Variants in ZNF423 observed in about 807,000 individuals in gnomAD.
The protein encoded by ZNF423 is zinc finger protein 423, also known as Ebf-associated zinc finger protein.
ZNF423 carries 12 observed loss-of-function variants against 95.8 expected under a neutral mutation model. That is an observed-to-expected ratio of 0.13 (90% CI 0.08 to 0.20). The LOEUF (loss-of-function observed/expected upper bound fraction) is 0.20, where lower values mean the gene tolerates loss of function less well. Among genes scored for constraint, ZNF423 ranks in the 10% least tolerant of loss-of-function variants. The pLI, the probability that ZNF423 is intolerant of heterozygous loss-of-function variation, is 1.00. For synonymous variants in ZNF423, 749 were observed against 711.9 expected, an observed-to-expected ratio of 1.05 and a Z score of -0.83; for missense variants, 1,316 against 1,737.1, an observed-to-expected ratio of 0.76 and a Z score of 4.31.
At chr16:49,808,005 A>T (rs2034692272) in intron 1 of ZNF423, among the ~76,000 whole-genome samples, 1 of 151,816 alleles carries the variant, frequency 6.6e-6, no homozygotes, top group African/African-American at 2.4e-5. Flanking sequence ...GCTTCTCCCT[A>T]AGCAGCGTTA....
At chr16:49,491,340 G>T (rs948904725) in intron 7 of ZNF423, 36 bp from the exon 8 acceptor site, 1 of 1,613,312 alleles carries the variant, frequency 6.2e-7, no homozygotes, top group Non-Finnish European at 8.5e-7. Flanking sequence ...ACATGAAGGA[G>T]AAGAATGGAG....
chr16:49,625,194 T>C (rs958339970), intron 5 of ZNF423, among the ~76,000 whole-genome samples: 1 of 151,962 alleles, frequency 6.6e-6, no homozygotes. Flanking sequence ...CTGACCAAGA[T>C]GGTGAAAAAT....
chr16:49,752,147 C>A (rs559350132), intron 2 of ZNF423, among the ~76,000 whole-genome samples: 1 of 152,364 alleles, frequency 6.6e-6, no homozygotes, highest in African/African-American at 2.4e-5. Flanking sequence ...TATTCACTAC[C>A]TCAGGAATCA....
chr16:49,650,554 C>T (rs562155597), intron 3 of ZNF423, among the ~76,000 whole-genome samples: 2 of 152,334 alleles, frequency 1.3e-5, no homozygotes, highest in East Asian at 1.9e-4. Context: ...TCTGGAGCAA[C>T]TCTGTGCAGT....
rs569080059 is a variant in ZNF423 at position 49,599,974 on chromosome 16, C to T, written c.3601+26196G>A. Among the ~76,000 whole-genome samples, 5 of 152,288 alleles carry T rather than the reference C, an allele frequency of 3.3e-5. No homozygotes were observed. In the East Asian group the frequency reaches 7.7e-4, roughly 23 times the overall value. On this transcript the variant is annotated intron_variant, in intron 5 of 7. Coordinates refer to ENST00000563137, the MANE Select transcript of ZNF423 (RefSeq NM_001379286.1). Reference sequence around the variant, plus strand: ...TGTACACACTTGTAAAACTGTATCACGCAATACCATAAGATCTGAGCCCTT... The same window carrying T: ...TGTACACACTTGTAAAACTGTATCATGCAATACCATAAGATCTGAGCCCTT...
Position 49,523,444 on chromosome 16 carries a change from C to T in ZNF423, c.3849+180G>A, listed in dbSNP as rs76075570. 9.3e-3 allele frequency among the ~76,000 whole-genome samples: 1,419 copies of T among 152,340 alleles called. 27 individuals carry two copies. Among genetic ancestry groups the T allele is most frequent in the African/African-American group, 0.032 (1,320 of 41,578 alleles). Reference sequence around the variant, plus strand: ...CAGTGGCAGTTGGTTCTTTTGAGAACGCTGGGCTGGCAGAGGCCAGGGGGC... The same window carrying T: ...CAGTGGCAGTTGGTTCTTTTGAGAATGCTGGGCTGGCAGAGGCCAGGGGGC... On this transcript the variant is annotated intron_variant, in intron 7 of 7. Transcript: ENST00000563137.
chr16:49,761,391 A>G (rs1791986925), intron 2 of ZNF423, among the ~76,000 whole-genome samples: 2 of 152,168 alleles, frequency 1.3e-5, no homozygotes, highest in Non-Finnish European at 2.9e-5. Flanking sequence ...CACCCTACAC[A>G]CAGATCCCCA....
intron 7 of ZNF423, among the ~76,000 whole-genome samples, chr16:49,521,861 CG>C (rs1272958435): frequency 1.3e-5 from 2 of 152,210 alleles, no homozygotes; most frequent in Non-Finnish European, 2.9e-5. Context: ...TGAATCCCCC[CG>C]GTCCCCACAC....
At chr16:49,759,243 C>G (rs1431090450) in intron 2 of ZNF423, among the ~76,000 whole-genome samples, 2 of 151,956 alleles carry the variant, frequency 1.3e-5, no homozygotes, top group Non-Finnish European at 2.9e-5. Context: ...ACTAAAAATA[C>G]AAAAAATCAG....
chr16:49,690,932 G>A (rs1022606110), intron 3 of ZNF423, among the ~76,000 whole-genome samples: 1 of 152,192 alleles, frequency 6.6e-6, no homozygotes, highest in Non-Finnish European at 1.5e-5. Flanking sequence ...AAAGCAACCT[G>A]TTTCACCAGC....
At chr16:49,689,259 T>C (rs1010073891) in intron 3 of ZNF423, among the ~76,000 whole-genome samples, 2 of 134,940 alleles carry the variant, frequency 1.5e-5, no homozygotes, top group African/African-American at 5.7e-5. Flanking sequence ...CTGGGCAACA[T>C]GGCAAGACCC....
chr16:49,637,989 A>G lies in ZNF423; in HGVS notation c.1187T>C (p.Leu396Ser), dbSNP rs762794475. Residue 396 changes from leucine to serine, a missense_variant, in exon 4 of 8, where the codon TTG (leucine) becomes TCG (serine). By Grantham distance (145) the Leu-to-Ser change is moderately radical (BLOSUM62 -2). Transcript: ENST00000563137. This position sits in a 1 kb window ranked among gnomAD's most constrained non-coding sequence, Gnocchi z 5.6. ...CTTCTTCTGCCCCCGCAGCGGCTTC[A>G]AGGTGGAGTCCGGGGTGGAGCCACG... ...VERGSTPDST[L>S]KPLRGQKKMR... The G allele has an allele frequency of 1.2e-6, 2 of 1,614,096 alleles. No homozygotes were observed. Among genetic ancestry groups the G allele is most frequent in the South Asian group, 1.1e-5 (1 of 91,080 alleles).
At chr16:49,815,199 C>G (rs1308264147) in intron 1 of ZNF423, among the ~76,000 whole-genome samples, 1 of 152,120 alleles carries the variant, frequency 6.6e-6, no homozygotes, top group Non-Finnish European at 1.5e-5. Flanking sequence ...ATAGGCTGCT[C>G]AGTAAATTTG....
intron 2 of ZNF423, among the ~76,000 whole-genome samples, chr16:49,742,142 G>A (rs1298461210): frequency 6.6e-6 from 1 of 152,198 alleles, no homozygotes; most frequent in African/African-American, 2.4e-5. Flanking sequence ...TTGGTCACAA[G>A]GACCTTGTTT....
chr16:49,620,175 A>C (rs1172280395), intron 5 of ZNF423, among the ~76,000 whole-genome samples: 6 of 149,404 alleles, frequency 4.0e-5, no homozygotes, highest in East Asian at 3.9e-4. Flanking sequence ...CACACACACA[A>C]CACACACATA....
At chr16:49,677,333 G>A (rs1209711790) in intron 3 of ZNF423, among the ~76,000 whole-genome samples, 2 of 52,026 alleles carry the variant, frequency 3.8e-5, no homozygotes, top group Non-Finnish European at 3.9e-5. Flanking sequence ...GAGGGGAGGG[G>A]AGGGGAGGGG....
intron 5 of ZNF423, among the ~76,000 whole-genome samples, chr16:49,602,107 G>C (rs1414411769): frequency 6.6e-6 from 1 of 152,230 alleles, no homozygotes; most frequent in Non-Finnish European, 1.5e-5. Flanking sequence ...AGGCTCCCCG[G>C]CTTCCTGTCC....
intron 4 of ZNF423, among the ~76,000 whole-genome samples, chr16:49,633,967 T>C (rs1972592315): frequency 6.6e-6 from 1 of 151,980 alleles, no homozygotes; most frequent in African/African-American, 2.4e-5. Flanking sequence ...AATGCAGTGG[T>C]GTGATCTTGG....
rs147379553 is a variant in ZNF423 at position 49,730,926 on chromosome 16, G to A, written c.146C>T (p.Ala49Val). The A allele has an allele frequency of 4.8e-5, 78 of 1,614,002 alleles. No homozygotes were observed. The highest frequency in any genetic ancestry group is 2.7e-4 in the African/African-American group (20 of 74,900). Residue 49 changes from alanine to valine, a missense_variant, in exon 3 of 8, where the codon GCG becomes GTG. Coordinates refer to ENST00000563137, the MANE Select transcript of ZNF423 (RefSeq NM_001379286.1). ...TGTCACGCTGTTCCTGTCTTCCAGC[G>A]CACGGCTGGTTTTCTGATCGCACTC... ...EPECDQKTSR[A>V]LEDRNSVTSQ... is the part of the protein sequence containing the mutation.
Sources: allele counts gnomAD v4.1 joint callset (sites outside exome capture counted in the v4.1 genomes callset), GRCh38; gene constraint gnomAD v4.1.1; non-coding constraint Gnocchi (gnomAD v3.1); transcripts MANE v1.5; gene names NCBI Gene and HGNC (gene_info 2026-07-23, HGNC 2026-07-21).